The following SPAG9 variants were observed in gnomAD, a reference collection of about 807,000 sequenced individuals.
SPAG9 encodes sperm associated antigen 9.
SPAG9 carries 35 observed loss-of-function variants against 166.5 expected under a neutral mutation model. The ratio of observed to expected loss-of-function variants is 0.21; its 90% confidence interval spans 0.16 to 0.28. The LOEUF (loss-of-function observed/expected upper bound fraction) is 0.28, where lower values mean the gene tolerates loss of function less well. SPAG9 is among the 10% of genes least tolerant of loss of function. SPAG9 has a pLI of 1.00. For synonymous variants in SPAG9, 534 were observed against 565.5 expected, an observed-to-expected ratio of 0.94 and a Z score of 0.79; for missense variants, 1,235 against 1,603.3, an observed-to-expected ratio of 0.77 and a Z score of 3.92.
At chr17:50,981,507 TA>T (rs1567959357) in intron 25 of SPAG9, among the ~76,000 whole-genome samples, 6 of 149,636 alleles carry the variant, frequency 4.0e-5, no homozygotes, top group Non-Finnish European at 9.0e-5. Context: ...GATAGATAGA[TA>T]GATAGATAGA....
Position 51,040,035 on chromosome 17 carries a change from G to C in SPAG9, c.741+1466C>G, listed in dbSNP as rs547534907. On this transcript the variant is annotated intron_variant, in intron 5 of 29. Transcript: ENST00000262013. The stretch of plus-strand genomic sequence containing the variant: ...GGATCACCTGAGGTCAGGAGTTCGA[G>C]GTCAGCCTGACCAACATGGTGAAAC... Among the ~76,000 whole-genome samples, 9 of 152,148 alleles carry C rather than the reference G, an allele frequency of 5.9e-5. No individual in the cohort carries two copies. In the South Asian group the frequency reaches 1.9e-3, roughly 32 times the overall value.
intron 6 of SPAG9, among the ~76,000 whole-genome samples, chr17:51,024,688 G>A (rs545097330): frequency 6.7e-6 from 1 of 150,062 alleles, no homozygotes; most frequent in Non-Finnish European, 1.5e-5. Flanking sequence ...ACTCCAGTCT[G>A]GGCAAAAAGA....
intron 19 of SPAG9, among the ~76,000 whole-genome samples, chr17:50,992,422 A>G (rs1410673961): frequency 2.0e-5 from 3 of 152,118 alleles, no homozygotes; most frequent in Non-Finnish European, 4.4e-5. Flanking sequence ...GGGCATCCCA[A>G]TACTTCGGGA....
chr17:50,970,950 A>G, intron 28 of SPAG9, 94 bp from the exon 29 acceptor site: 1 of 1,029,246 alleles, frequency 9.7e-7, no homozygotes, highest in Non-Finnish European at 1.4e-6. Flanking sequence ...TTAAACAAAA[A>G]GGTAAATATA....
chr17:51,033,086 A>AC (rs2046447166), intron 5 of SPAG9, among the ~76,000 whole-genome samples: 1 of 151,642 alleles, frequency 6.6e-6, no homozygotes, highest in South Asian at 2.1e-4. Context: ...AGTTAAGGTG[A>AC]TTTTTTTAAT....
intron 1 of SPAG9, among the ~76,000 whole-genome samples, chr17:51,104,790 G>T (rs573148788): frequency 6.6e-6 from 1 of 151,474 alleles, no homozygotes; most frequent in Middle Eastern, 3.2e-3. Context: ...AAAATTAGCC[G>T]GGCGTGGTAG....
chr17:51,045,142 CA>C, intron 4 of SPAG9, among the ~76,000 whole-genome samples: 1 of 152,268 alleles, frequency 6.6e-6, no homozygotes, highest in East Asian at 1.9e-4. Context: ...CTCCTACGGC[CA>C]CGTGCAATAG....
At chr17:51,047,151 A>G (rs2047048433) in intron 4 of SPAG9, among the ~76,000 whole-genome samples, 1 of 152,192 alleles carries the variant, frequency 6.6e-6, no homozygotes. Flanking sequence ...AACAATCTAA[A>G]TACTCAATGT....
At chr17:51,063,843 C>A (rs1598111852) in intron 2 of SPAG9, among the ~76,000 whole-genome samples, 1 of 152,072 alleles carries the variant, frequency 6.6e-6, no homozygotes, top group Non-Finnish European at 1.5e-5. Flanking sequence ...GATCGTGCCA[C>A]TGCACTCCAG....
At chr17:50,986,400 T>C (rs1023484077) in intron 22 of SPAG9, among the ~76,000 whole-genome samples, 13 of 152,252 alleles carry the variant, frequency 8.5e-5, no homozygotes, top group Non-Finnish European at 1.8e-4. Context: ...GTAACCCTTA[T>C]TTGAAATGCT....
intron 24 of SPAG9, 59 bp downstream of exon 24, chr17:50,984,864 T>C (rs992432556): frequency 2.4e-5 from 32 of 1,334,480 alleles, no homozygotes; most frequent in Non-Finnish European, 3.2e-5. Flanking sequence ...CCAATCTACT[T>C]AAAAATGCTT....
intron 24 of SPAG9, 117 bp from the exon 25 acceptor site, chr17:50,982,789 T>A: frequency 1.1e-6 from 1 of 889,882 alleles, no homozygotes; most frequent in Non-Finnish European, 1.7e-6. Context: ...CAAAGTACCA[T>A]GTACTAAGTA....
At chr17:50,981,390 G>GTGGATGGATGGATGGATGGA (rs529102170) in intron 25 of SPAG9, among the ~76,000 whole-genome samples, 1 of 150,034 alleles carries the variant, frequency 6.7e-6, no homozygotes, top group African/African-American at 2.5e-5. Context: ...CAACCTGTGT[G>GTGGATGGATGGATGGATGGA]TGGATGGATG....
At chr17:51,056,359 G>C in intron 3 of SPAG9, 53 bp downstream of exon 3, 1 of 1,006,090 alleles carries the variant, frequency 9.9e-7, no homozygotes, top group Non-Finnish European at 1.6e-6. Context: ...ATTTTCTAAG[G>C]TTCATTTCTT....
chr17:51,098,595 C>A (rs535458527), intron 1 of SPAG9, among the ~76,000 whole-genome samples: 1 of 151,992 alleles, frequency 6.6e-6, no homozygotes, highest in African/African-American at 2.4e-5. Context: ...AGGGTTCAAC[C>A]GATTCTCCTA....
chr17:51,117,888 C>T (rs530367333), intron 1 of SPAG9, among the ~76,000 whole-genome samples: 1 of 151,878 alleles, frequency 6.6e-6, no homozygotes, highest in East Asian at 1.9e-4. Context: ...AATCCCAGTA[C>T]TTTGGGAGGC....
chr17:51,032,070 G>T (rs2046405263), intron 5 of SPAG9, among the ~76,000 whole-genome samples: 1 of 152,078 alleles, frequency 6.6e-6, no homozygotes, highest in Non-Finnish European at 1.5e-5. Flanking sequence ...ATCCAGTGCA[G>T]CATACTCAGA....
At chr17:51,014,505 T>G in intron 8 of SPAG9, 152 bp from the exon 9 acceptor site, 1 of 591,916 alleles carries the variant, frequency 1.7e-6, no homozygotes, top group Non-Finnish European at 2.8e-6. Flanking sequence ...TCTCAAAGGC[T>G]TCCTAAGAAA....
chr17:50,993,320 A>G (rs1287493806), intron 19 of SPAG9, among the ~76,000 whole-genome samples: 1 of 150,546 alleles, frequency 6.6e-6, no homozygotes, highest in Non-Finnish European at 1.5e-5. Flanking sequence ...TGTCTCAAAA[A>G]AAAAAAAAAA....
Sources: allele counts gnomAD v4.1 joint callset (sites outside exome capture counted in the v4.1 genomes callset), GRCh38; gene constraint gnomAD v4.1.1; transcripts MANE v1.5; gene names NCBI Gene and HGNC (gene_info 2026-07-23, HGNC 2026-07-21).